PEPD: variants seen among roughly 807,000 people sequenced by gnomAD.
PEPD encodes peptidase D.
Under a neutral mutation model 60.7 loss-of-function variants are expected in PEPD, and 53 were observed. That is an observed-to-expected ratio of 0.87 (90% CI 0.70 to 1.10). PEPD has a LOEUF of 1.10. Ranked by LOEUF, PEPD falls within the 50% of genes least tolerant of loss-of-function variation. The probability of loss-of-function intolerance (pLI) is 0.00; values close to 1 mark genes in which losing one functional copy is unlikely to be tolerated. For synonymous variants in PEPD, 267 were observed against 284.1 expected (o/e 0.94, Z 0.60); for missense variants, 711 against 711.9 (o/e 1.00, Z 0.01).
At chr19:33,501,484 T>A (rs1970712596) in intron 3 of PEPD, among the ~76,000 whole-genome samples, 1 of 152,068 alleles carries the variant, frequency 6.6e-6, no homozygotes, top group Non-Finnish European at 1.5e-5. Context: ...ATCCAGACCA[T>A]CCTGGCTAAC....
chr19:33,398,766 G>A (rs950164217), intron 12 of PEPD, among the ~76,000 whole-genome samples: 4 of 152,248 alleles, frequency 2.6e-5, no homozygotes, highest in African/African-American at 9.6e-5. Flanking sequence ...TCCCATGGCT[G>A]AAGAGTCAGA....
chr19:33,403,145 G>A (rs1005229446), intron 11 of PEPD, among the ~76,000 whole-genome samples: 11 of 152,180 alleles, frequency 7.2e-5, no homozygotes, highest in South Asian at 4.1e-4. Context: ...GCGGAGGGGC[G>A]CAGGTGGTGC....
In PEPD at chr19:33,395,318, C is replaced by T. The variant is rs1454562923; in HGVS notation, c.968-3839G>A. 8.5e-5 allele frequency among the ~76,000 whole-genome samples: 13 copies of T among 152,336 alleles called. 2 individuals carry two copies. In the South Asian group the frequency reaches 2.7e-3, roughly 32 times the overall value. ...TTGCAAGGGTGGTGCCCGTACTCTGCTCTGTGCCTGGCATGCTGCGGATGC... is the reference window on the plus strand; with the variant it reads ...TTGCAAGGGTGGTGCCCGTACTCTGTTCTGTGCCTGGCATGCTGCGGATGC... On this transcript the variant is annotated intron_variant, in intron 12 of 14. Coordinates refer to ENST00000244137, the MANE Select transcript of PEPD (RefSeq NM_000285.4).
intron 9 of PEPD, among the ~76,000 whole-genome samples, chr19:33,449,519 A>T (rs1477130485): frequency 6.6e-6 from 1 of 152,214 alleles, no homozygotes; most frequent in Non-Finnish European, 1.5e-5. Flanking sequence ...ACAAGAAAAC[A>T]GCAGCAGAAC....
chr19:33,388,889 G>C (rs995385882), intron 13 of PEPD: 4 of 152,722 alleles, frequency 2.6e-5, no homozygotes, highest in Non-Finnish European at 5.8e-5. Flanking sequence ...GGCAGCGGGT[G>C]CTCTGGGAAT....
intron 9 of PEPD, among the ~76,000 whole-genome samples, chr19:33,419,203 G>A (rs1221255630): frequency 6.6e-6 from 1 of 152,118 alleles, no homozygotes; most frequent in Non-Finnish European, 1.5e-5. Context: ...ATCTCCATGT[G>A]GGCAAGCAGA....
At chr19:33,413,885 C>T (rs1301819197) in intron 9 of PEPD, among the ~76,000 whole-genome samples, 1 of 152,220 alleles carries the variant, frequency 6.6e-6, no homozygotes, top group Non-Finnish European at 1.5e-5. Flanking sequence ...GGCGCAGCCA[C>T]CTGCCAGAGG....
chr19:33,392,501 C>T (rs546530955), intron 12 of PEPD, among the ~76,000 whole-genome samples: 2 of 152,252 alleles, frequency 1.3e-5, no homozygotes, highest in South Asian at 2.1e-4. Context: ...GGGCAGGCCA[C>T]GTGCTGGCAG....
intron 9 of PEPD, among the ~76,000 whole-genome samples, chr19:33,451,292 A>AT (rs1488135943): frequency 2.0e-5 from 3 of 152,236 alleles, no homozygotes; most frequent in Non-Finnish European, 4.4e-5. Flanking sequence ...TAAGTTTCTA[A>AT]TTTTTTAAGG....
chr19:33,424,667 C>T (rs1371088765), intron 9 of PEPD, among the ~76,000 whole-genome samples: 3 of 152,008 alleles, frequency 2.0e-5, no homozygotes, highest in African/African-American at 2.4e-5. Flanking sequence ...TAGTGAGACC[C>T]GGTATTCGTC....
intron 9 of PEPD, among the ~76,000 whole-genome samples, chr19:33,457,370 G>A (rs572883426): frequency 6.6e-5 from 10 of 152,284 alleles, no homozygotes; most frequent in African/African-American, 2.4e-4. Flanking sequence ...GGCAGAGATT[G>A]CAGCAAGCAG....
chr19:33,468,219 C>G (rs1568486766), intron 7 of PEPD, among the ~76,000 whole-genome samples: 1 of 152,176 alleles, frequency 6.6e-6, no homozygotes. Flanking sequence ...AGCTCCTTTT[C>G]CTTTACTAAA....
chr19:33,462,353 C>T (rs563486974), intron 9 of PEPD, among the ~76,000 whole-genome samples: 1 of 152,362 alleles, frequency 6.6e-6, no homozygotes, highest in African/African-American at 2.4e-5. Context: ...ATGGGGGCCT[C>T]CTGCCCCAGG....
intron 10 of PEPD, among the ~76,000 whole-genome samples, chr19:33,412,196 A>C (rs1016612137): frequency 1.8e-4 from 27 of 152,186 alleles, no homozygotes; most frequent in Non-Finnish European, 4.4e-5. Context: ...ATGCAAAAAA[A>C]ATTAGCTGGG....
At chr19:33,458,091 G>C (rs971199132) in intron 9 of PEPD, among the ~76,000 whole-genome samples, 2 of 151,998 alleles carry the variant, frequency 1.3e-5, no homozygotes, top group Admixed American at 6.6e-5. Flanking sequence ...GTGTGTATGG[G>C]GATGGTGGGT....
At chr19:33,505,572 G>A (rs920181015) in intron 3 of PEPD, among the ~76,000 whole-genome samples, 6 of 151,978 alleles carry the variant, frequency 3.9e-5, no homozygotes, top group Non-Finnish European at 7.4e-5. Flanking sequence ...CAATCACAAG[G>A]AGCGTGGGAG....
At chr19:33,474,895 G>T (rs532144334) in intron 7 of PEPD, among the ~76,000 whole-genome samples, 1 of 151,082 alleles carries the variant, frequency 6.6e-6, no homozygotes, top group Non-Finnish European at 1.5e-5. Context: ...TGGGAGGATC[G>T]CCTGAGCCCA....
chr19:33,431,569 C>T (rs192185900), intron 9 of PEPD, among the ~76,000 whole-genome samples: 1 of 152,338 alleles, frequency 6.6e-6, no homozygotes, highest in African/African-American at 2.4e-5. Context: ...AAAAATTCTT[C>T]CTGGGAAGGA....
At chr19:33,511,248 C>A (rs749019863) in intron 2 of PEPD, 93 bp from the exon 3 acceptor site, 118 of 1,336,390 alleles carry the variant, frequency 8.8e-5, no homozygotes, top group Non-Finnish European at 1.2e-4. Flanking sequence ...AGAGCCAGCT[C>A]AGACCGACAG....
Sources: gnomAD v4.1 joint callset for allele counts (sites outside exome capture counted in the v4.1 genomes callset) on GRCh38, gnomAD v4.1.1 for gene constraint, MANE v1.5 for transcripts, NCBI Gene and HGNC (gene_info 2026-07-23, HGNC 2026-07-21) for gene names.